Variants in KIAA2012 observed in about 807,000 individuals in gnomAD.
KIAA2012 encodes KIAA2012.
A neutral mutation model predicts 150.6 loss-of-function variants in KIAA2012; 125 were observed. The observed-to-expected ratio is 0.83, with a 90% CI of 0.72 to 0.96. KIAA2012 has a LOEUF of 0.96. KIAA2012 is among the 40% of genes least tolerant of loss of function. The probability of loss-of-function intolerance (pLI) is 0.00; values close to 1 mark genes in which losing one functional copy is unlikely to be tolerated. For synonymous variants in KIAA2012, 462 were observed against 504.7 expected, an observed-to-expected ratio of 0.92 and a Z score of 1.13; for missense variants, 1,219 against 1,354.9, an observed-to-expected ratio of 0.90 and a Z score of 1.57.
At chr2:202,126,598 C>T (rs182828202) in intron 12 of KIAA2012, among the ~76,000 whole-genome samples, 13 of 139,224 alleles carry the variant, frequency 9.3e-5, no homozygotes, top group African/African-American at 2.7e-4. Flanking sequence ...AATAGGAGCC[C>T]TCAGTAAAAA....
At chr2:202,172,229 T>C (rs1421244121) in intron 15 of KIAA2012, among the ~76,000 whole-genome samples, 1 of 152,252 alleles carries the variant, frequency 6.6e-6, no homozygotes, top group East Asian at 1.9e-4. Flanking sequence ...ATTGTTTCTA[T>C]TCCACAGATG....
chr2:202,197,055 A>G (rs1405061053), intron 22 of KIAA2012, 36 bp downstream of exon 22: 1 of 1,549,968 alleles, frequency 6.5e-7, no homozygotes. Context: ...CCATAGGGGG[A>G]TGGTTCAAGG....
At chr2:202,089,332 T>C (rs989607579) in intron 2 of KIAA2012, among the ~76,000 whole-genome samples, 5 of 152,246 alleles carry the variant, frequency 3.3e-5, no homozygotes, top group African/African-American at 1.2e-4. Flanking sequence ...CTCTAGAATA[T>C]AGTTCTTACA....
chr2:202,150,241 A>G (rs973260586), intron 13 of KIAA2012, among the ~76,000 whole-genome samples: 1 of 152,228 alleles, frequency 6.6e-6, no homozygotes, highest in Non-Finnish European at 1.5e-5. Flanking sequence ...AGCTTTACCA[A>G]ATTAACTCGT....
intron 12 of KIAA2012, among the ~76,000 whole-genome samples, chr2:202,132,787 C>T (rs10190757): frequency 0.68 from 80,150 of 117,636 alleles, 28,383 homozygotes; most frequent in African/African-American, 0.86. Flanking sequence ...TATATATATG[C>T]GTATATATAT....
Position 202,093,189 on chromosome 2 carries a change from C to T in KIAA2012, c.685+4C>T, listed in dbSNP as rs573058563. The stretch of plus-strand genomic sequence containing the variant: ...CAAGGAAAATCTTTTGAACAACGTA[C>T]GTGTTGATTTACATGTTGATTTTAT... On this transcript the variant is annotated splice_donor_region_variant and intron_variant, in intron 4 of 23. Transcript: ENST00000498697. The T allele has an allele frequency of 1.6e-5, 25 of 1,550,620 alleles. No individual in the cohort carries two copies. The highest frequency in any genetic ancestry group is 1.5e-4 in the South Asian group (13 of 84,000).
intron 12 of KIAA2012, chr2:202,136,942 T>TC (rs1161213459): frequency 1.3e-5 from 2 of 152,258 alleles, no homozygotes; most frequent in Non-Finnish European, 2.9e-5. Context: ...AACCTCCACC[T>TC]CCCGGGTTCA....
chr2:202,163,013 A>G (rs887995779), intron 14 of KIAA2012, among the ~76,000 whole-genome samples: 2 of 152,086 alleles, frequency 1.3e-5, no homozygotes, highest in Non-Finnish European at 1.5e-5. Flanking sequence ...AATTTATTTA[A>G]CTAGTCCTCA....
At chr2:202,168,829 C>G (rs1691826693) in intron 15 of KIAA2012, among the ~76,000 whole-genome samples, 1 of 151,924 alleles carries the variant, frequency 6.6e-6, no homozygotes, top group Admixed American at 6.6e-5. Flanking sequence ...CAGCCTGGAA[C>G]AATGTGGGGG....
intron 12 of KIAA2012, chr2:202,135,969 G>GT (rs140549436): frequency 1.5e-3 from 384 of 264,140 alleles, no homozygotes; most frequent in African/African-American, 8.1e-3. Context: ...CAGGGCCTCA[G>GT]TTTCCCCCAA....
At position 202,097,327 on chromosome 2, in the gene KIAA2012, C is replaced by T. The variant is rs189523508; in HGVS notation, c.686-108C>T. 9.4e-6 allele frequency: 14 copies of T among 1,485,452 alleles called. No individual in the cohort carries two copies. The African/African-American group carries it at 1.5e-4, about 16-fold the overall frequency. 92.0% of individuals were successfully genotyped at this position (1,485,452 alleles called of 1,614,324 possible). ...AGGGAGGAGGGGGAGCAAGGGAGGG[C>T]CTTGAGCACTTTTACTCAGAGAAGC... On this transcript the variant is annotated intron_variant, in intron 4 of 23. Transcript: ENST00000498697.
At chr2:202,147,734 G>A (rs533425990) in intron 13 of KIAA2012, among the ~76,000 whole-genome samples, 22 of 152,122 alleles carry the variant, frequency 1.4e-4, no homozygotes, top group Non-Finnish European at 2.4e-4. Context: ...CCTGTCTGTC[G>A]GTTGTCAGAT....
intron 22 of KIAA2012, among the ~76,000 whole-genome samples, chr2:202,201,233 A>G (rs1692516841): frequency 6.6e-6 from 1 of 152,148 alleles, no homozygotes; most frequent in African/African-American, 2.4e-5. Flanking sequence ...AAATGTGAAA[A>G]GTGCCTGAAA....
chr2:202,099,729 C>T lies in KIAA2012; in HGVS notation c.945C>T (p.Leu315=), dbSNP rs973362898. Residue 315 remains leucine, a synonymous_variant, in exon 6 of 24, where the codon CTC becomes CTT. Transcript: ENST00000498697. ...FGHGRIDHSW[L]PSDKSHITFC... is the part of the protein sequence containing the mutation. ...ATGGCCGCATCGATCACTCTTGGCTCCCAAGTGACAAATCCCACATTACAT... is the reference window on the plus strand; with the variant it reads ...ATGGCCGCATCGATCACTCTTGGCTTCCAAGTGACAAATCCCACATTACAT... 1 of 1,550,454 alleles carries T rather than the reference C, an allele frequency of 6.4e-7. No homozygotes were observed. Among genetic ancestry groups the T allele is most frequent in the Non-Finnish European group, 8.7e-7 (1 of 1,147,000 alleles).
At chr2:202,080,003 T>C (rs1020841533) in intron 2 of KIAA2012, among the ~76,000 whole-genome samples, 1 of 152,156 alleles carries the variant, frequency 6.6e-6, no homozygotes. Context: ...TTACCTCCGT[T>C]TTATAGGAAG....
At chr2:202,086,875 A>T (rs576966052) in intron 2 of KIAA2012, among the ~76,000 whole-genome samples, 1 of 152,144 alleles carries the variant, frequency 6.6e-6, no homozygotes, top group Non-Finnish European at 1.5e-5. Flanking sequence ...ATCCATCTTG[A>T]TCATCCCCTT....
chr2:202,142,985 T>C (rs1691222406), intron 13 of KIAA2012, among the ~76,000 whole-genome samples: 1 of 149,638 alleles, frequency 6.7e-6, no homozygotes, highest in African/African-American at 2.5e-5. Context: ...AGCACAACCC[T>C]CCCCAGTTGT....
intron 2 of KIAA2012, among the ~76,000 whole-genome samples, chr2:202,086,623 C>G (rs1689577368): frequency 1.3e-5 from 2 of 152,194 alleles, no homozygotes; most frequent in Non-Finnish European, 2.9e-5. Flanking sequence ...CATAAACTTT[C>G]CAGACATCAA....
chr2:202,174,871 T>C (rs1458451365), intron 15 of KIAA2012, among the ~76,000 whole-genome samples: 1 of 152,252 alleles, frequency 6.6e-6, no homozygotes, highest in African/African-American at 2.4e-5. Flanking sequence ...TATGTATACA[T>C]GTGCCATGCT....
Sources: gnomAD v4.1 joint callset for allele counts (sites outside exome capture counted in the v4.1 genomes callset) on GRCh38, gnomAD v4.1.1 for gene constraint, MANE v1.5 for transcripts, NCBI Gene and HGNC (gene_info 2026-07-23, HGNC 2026-07-21) for gene names.